Variants in MEF2A observed in about 807,000 individuals in gnomAD.
MEF2A encodes the protein myocyte enhancer factor 2A.
A neutral mutation model predicts 55.8 loss-of-function variants in MEF2A; 28 were observed. The ratio of observed to expected loss-of-function variants is 0.50; its 90% CI spans 0.37 to 0.69. The LOEUF is 0.69. Ranked by LOEUF, MEF2A falls within the 30% of genes least tolerant of loss-of-function variation. The probability of loss-of-function intolerance (pLI) is 0.00; values close to 1 mark genes in which losing one functional copy is unlikely to be tolerated. For synonymous variants in MEF2A, 239 were observed against 227.1 expected (o/e 1.05, Z -0.47); for missense variants, 528 against 626.2 (o/e 0.84, Z 1.67).
chr15:99,692,910 A>G (rs2055764150), intron 8 of MEF2A, among the ~76,000 whole-genome samples: 3 of 152,248 alleles, frequency 2.0e-5, no homozygotes, highest in Admixed American at 2.0e-4. Context: ...GTGAAGGAAC[A>G]GGAAGACATG....
At chr15:99,591,052 G>A (rs979654552) in intron 1 of MEF2A, among the ~76,000 whole-genome samples, 14 of 152,150 alleles carry the variant, frequency 9.2e-5, no homozygotes, top group Middle Eastern at 3.4e-3. Context: ...CCCTTTGCAG[G>A]TTCCCTCTTG....
chr15:99,611,970 A>G (rs1034462109), intron 2 of MEF2A, among the ~76,000 whole-genome samples: 1 of 152,242 alleles, frequency 6.6e-6, no homozygotes, highest in African/African-American at 2.4e-5. Context: ...AATTCCATAG[A>G]GACAGAAAGT....
At chr15:99,616,563 G>T (rs1382834214) in intron 2 of MEF2A, among the ~76,000 whole-genome samples, 1 of 152,100 alleles carries the variant, frequency 6.6e-6, no homozygotes, top group East Asian at 1.9e-4. Context: ...AAATTAATAA[G>T]AGGCAATTAA....
chr15:99,637,549 C>T (rs1312159500), intron 3 of MEF2A, among the ~76,000 whole-genome samples: 1 of 152,102 alleles, frequency 6.6e-6, no homozygotes, highest in Non-Finnish European at 1.5e-5. Context: ...AAATGCCAGA[C>T]TGCCAAAGTG....
chr15:99,715,561 G>A lies in MEF2A; in HGVS notation c.*2790G>A, dbSNP rs953700882. ...AGACATCTCTCACCCAGACGCCCACGTGTGAACACACCCACATCCACATCT... is the reference window on the plus strand; with the variant it reads ...AGACATCTCTCACCCAGACGCCCACATGTGAACACACCCACATCCACATCT... On this transcript the variant is annotated 3_prime_UTR_variant, in exon 12 of 12. Coordinates refer to ENST00000557942, the MANE Select transcript of MEF2A (RefSeq NM_001319206.4). The A allele has an allele frequency of 1.3e-5, 2 of 152,194 alleles. No individual in the cohort carries two copies. The highest frequency in any genetic ancestry group is 4.8e-5 in the African/African-American group (2 of 41,438). 9.4% of individuals were successfully genotyped at this position (152,194 alleles called of 1,614,324 possible).
upstream of MEF2A, chr15:99,565,425 A>T (rs1237565083): frequency 1.4e-5 from 2 of 147,738 alleles, no homozygotes; most frequent in Non-Finnish European, 3.0e-5. Context: ...GCGATTTGCC[A>T]CGCGCCGCGT....
intron 4 of MEF2A, among the ~76,000 whole-genome samples, chr15:99,668,108 TA>T (rs2050147360): frequency 6.6e-6 from 1 of 152,078 alleles, no homozygotes; most frequent in Admixed American, 6.5e-5. Flanking sequence ...TGTTGTGACA[TA>T]AATAGAAAAA....
chr15:99,705,149 C>T (rs1303664314), intron 9 of MEF2A, among the ~76,000 whole-genome samples: 2 of 152,218 alleles, frequency 1.3e-5, no homozygotes, highest in African/African-American at 2.4e-5. Flanking sequence ...TGCAGAAGGA[C>T]AGGTGCCCTG....
chr15:99,571,707 T>C (rs139672864), intron 1 of MEF2A, among the ~76,000 whole-genome samples: 3 of 63,728 alleles, frequency 4.7e-5, no homozygotes, highest in East Asian at 7.9e-4. Context: ...GGGTAAAATA[T>C]AGCTATTTTT....
chr15:99,710,208 G>A (rs1321304163), intron 10 of MEF2A, among the ~76,000 whole-genome samples: 3 of 152,278 alleles, frequency 2.0e-5, no homozygotes, highest in East Asian at 1.9e-4. Context: ...ATGTTGTTTT[G>A]TTGTGAAGTA....
chr15:99,609,949 T>C (rs1370389454), intron 2 of MEF2A, among the ~76,000 whole-genome samples: 1 of 152,184 alleles, frequency 6.6e-6, no homozygotes, highest in Non-Finnish European at 1.5e-5. Flanking sequence ...TTCTTGATTC[T>C]GGTTTTTCAC....
At chr15:99,702,429 CTTTTTTT>C (rs11429799) in intron 8 of MEF2A, among the ~76,000 whole-genome samples, 2 of 134,348 alleles carry the variant, frequency 1.5e-5, no homozygotes, top group South Asian at 2.3e-4. Flanking sequence ...AAAAATGTTT[CTTTTTTT>C]TTTTTTTTTT....
chr15:99,699,070 AC>A (rs2056961599), intron 8 of MEF2A, among the ~76,000 whole-genome samples: 1 of 151,426 alleles, frequency 6.6e-6, no homozygotes, highest in Admixed American at 6.6e-5. Flanking sequence ...AAAAAAAAAA[AC>A]AAAAAAAACT....
intron 2 of MEF2A, among the ~76,000 whole-genome samples, chr15:99,623,758 T>G (rs886853720): frequency 6.6e-6 from 1 of 152,194 alleles, no homozygotes; most frequent in African/African-American, 2.4e-5. Flanking sequence ...TGTTGAGTTT[T>G]TAAATATATT....
At chr15:99,616,969 G>A (rs557137625) in intron 2 of MEF2A, among the ~76,000 whole-genome samples, 1 of 152,216 alleles carries the variant, frequency 6.6e-6, no homozygotes, top group South Asian at 2.1e-4. Flanking sequence ...TTGATTTTAG[G>A]AAGCCAAATC....
intron 4 of MEF2A, 103 bp downstream of exon 4, chr15:99,645,867 G>T: frequency 1.3e-6 from 1 of 790,724 alleles, no homozygotes; most frequent in Non-Finnish European, 2.0e-6. Context: ...CATAAATTAG[G>T]TGTATATGTA....
chr15:99,617,744 A>C (rs1273062379), intron 2 of MEF2A, among the ~76,000 whole-genome samples: 1 of 151,926 alleles, frequency 6.6e-6, no homozygotes, highest in Non-Finnish European at 1.5e-5. Flanking sequence ...TTTTTTGTTA[A>C]ATTGCCCATA....
At chr15:99,636,986 C>T (rs896032918) in intron 3 of MEF2A, among the ~76,000 whole-genome samples, 4 of 152,098 alleles carry the variant, frequency 2.6e-5, no homozygotes, top group South Asian at 2.1e-4. Flanking sequence ...TATCATGAGT[C>T]GAGTAACCAT....
chr15:99,695,727 C>T (rs2056366199), intron 8 of MEF2A, among the ~76,000 whole-genome samples: 2 of 152,102 alleles, frequency 1.3e-5, no homozygotes, highest in Admixed American at 6.5e-5. Context: ...GGCATGGTAG[C>T]ACACGTCTGT....
Sources: gnomAD v4.1 joint callset for allele counts (sites outside exome capture counted in the v4.1 genomes callset) on GRCh38, gnomAD v4.1.1 for gene constraint, MANE v1.5 for transcripts, NCBI Gene and HGNC (gene_info 2026-07-23, HGNC 2026-07-21) for gene names.